COL21A1: variants seen among roughly 807,000 people sequenced by gnomAD.
The protein encoded by COL21A1 is collagen type XXI alpha 1 chain.
A neutral mutation model predicts 137.9 loss-of-function variants in COL21A1; 149 were observed. That is an observed-to-expected ratio of 1.08 (90% CI 0.95 to 1.24). The LOEUF (loss-of-function observed/expected upper bound fraction) is 1.24. COL21A1 is among the 50% of genes most tolerant of loss of function. The probability of loss-of-function intolerance (pLI) is 0.00; values close to 1 mark genes in which losing one functional copy is unlikely to be tolerated. For missense variants in COL21A1, 1,167 were observed against 1,158.4 expected (o/e 1.01, Z -0.11); for synonymous variants, 456 against 391.5 (o/e 1.16, Z -1.95).
At chr6:56,144,127 C>T (rs1008562352) in intron 10 of COL21A1, among the ~76,000 whole-genome samples, 1 of 152,220 alleles carries the variant, frequency 6.6e-6, no homozygotes, top group Admixed American at 6.5e-5. Flanking sequence ...ACTCTCAGCT[C>T]TGTCACTGCT....
intron 1 of COL21A1, among the ~76,000 whole-genome samples, chr6:56,363,046 G>A: frequency 6.6e-6 from 1 of 152,076 alleles, no homozygotes. Flanking sequence ...AACTTCTTTG[G>A]GGCATTCTTC....
intron 1 of COL21A1, among the ~76,000 whole-genome samples, chr6:56,272,000 G>T (rs907794905): frequency 6.6e-6 from 1 of 152,370 alleles, no homozygotes; most frequent in South Asian, 2.1e-4. Flanking sequence ...AGCCCTCAAG[G>T]AGAACCTCTA....
rs1307194026 is a variant in COL21A1 at position 56,057,685 on chromosome 6, T to A, written c.2846A>T (p.Asp949Val). The change falls in exon 30 of 30, where the codon GAT becomes GTT. Residue 949 changes from aspartate (D) to valine (V), a missense_variant. Transcript: ENST00000244728. ...SLCFSVIARRDPFRKGPNY is the reference protein window; with the variant it reads ...SLCFSVIARRVPFRKGPNY Reference sequence around the variant, plus strand: ...ATAGTTTGGTCCTTTTCTGAACGGATCTCTTCTGGCAATTACACTAAAACA... The same window carrying A: ...ATAGTTTGGTCCTTTTCTGAACGGAACTCTTCTGGCAATTACACTAAAACA... 1 of 1,613,244 alleles carries A rather than the reference T, an allele frequency of 6.2e-7. No homozygotes were observed. Among genetic ancestry groups the A allele is most frequent in the Admixed American group, 1.7e-5 (1 of 59,962 alleles).
intron 1 of COL21A1, among the ~76,000 whole-genome samples, chr6:56,342,737 G>T (rs1765499309): frequency 6.6e-6 from 1 of 152,194 alleles, no homozygotes; most frequent in Non-Finnish European, 1.5e-5. Context: ...AAAAGGAAAT[G>T]AAGGCATGGA....
At chr6:56,275,779 AC>A (rs1763631656) in intron 1 of COL21A1, among the ~76,000 whole-genome samples, 1 of 152,234 alleles carries the variant, frequency 6.6e-6, no homozygotes, top group African/African-American at 2.4e-5. Flanking sequence ...TGGTGGGAAT[AC>A]AAATGACTTC....
intron 1 of COL21A1, among the ~76,000 whole-genome samples, chr6:56,324,034 TA>T (rs1764940784): frequency 6.6e-6 from 1 of 152,086 alleles, no homozygotes; most frequent in Non-Finnish European, 1.5e-5. Flanking sequence ...CTTATAAAAA[TA>T]ATGGTTTGTG....
intron 1 of COL21A1, among the ~76,000 whole-genome samples, chr6:56,370,916 A>C (rs879939462): frequency 5.9e-5 from 9 of 152,244 alleles, no homozygotes; most frequent in Non-Finnish European, 1.3e-4. Context: ...GATGAAAATA[A>C]AAGGAAGGAG....
At chr6:56,134,945 A>AT (rs1209234218) in intron 12 of COL21A1, among the ~76,000 whole-genome samples, 3 of 152,132 alleles carry the variant, frequency 2.0e-5, no homozygotes, top group South Asian at 2.1e-4. Flanking sequence ...AGTCTCAGGT[A>AT]TGTCTTTATT....
intron 1 of COL21A1, among the ~76,000 whole-genome samples, chr6:56,314,228 C>G (rs1764678002): frequency 6.6e-6 from 1 of 152,114 alleles, no homozygotes; most frequent in South Asian, 2.1e-4. Flanking sequence ...TGTGATCTGC[C>G]CACCTTGGCC....
chr6:56,179,895 A>C lies in COL21A1; in HGVS notation c.323T>G (p.Leu108Arg). The C allele has an allele frequency of 1.2e-6, 2 of 1,613,930 alleles. No individual in the cohort carries two copies. The highest frequency in any genetic ancestry group is 8.5e-7 in the Non-Finnish European group (1 of 1,179,866). Reference sequence around the variant, plus strand: ...TGTCTTTGTGTTTCCTCCTAAGTAGAGTATGGATTCCACTGCTGCCGTCAA... The same window carrying C: ...TGTCTTTGTGTTTCCTCCTAAGTAGCGTATGGATTCCACTGCTGCCGTCAA... ...EHLTAAVESI[L>R]YLGGNTKTGK... Residue 108 changes from leucine to arginine, a missense_variant, in exon 3 of 30, where the codon CTC becomes CGC. Transcript: ENST00000244728.
chr6:56,099,477 C>G (rs1404611618), intron 17 of COL21A1, among the ~76,000 whole-genome samples: 2 of 151,904 alleles, frequency 1.3e-5, no homozygotes, highest in Admixed American at 1.3e-4. Flanking sequence ...GCCTCGTGAT[C>G]CAGCCGCCTC....
intron 16 of COL21A1, among the ~76,000 whole-genome samples, chr6:56,122,248 G>T (rs1772610766): frequency 6.6e-6 from 1 of 151,828 alleles, no homozygotes. Context: ...GTTGCCAAGG[G>T]TTTAATGTAC....
At chr6:56,369,135 A>G (rs1449706242) in intron 1 of COL21A1, among the ~76,000 whole-genome samples, 1 of 151,992 alleles carries the variant, frequency 6.6e-6, no homozygotes, top group East Asian at 1.9e-4. Context: ...ACTATAGCCA[A>G]AAGACAAAAT....
chr6:56,065,733 G>A (rs144725411), intron 23 of COL21A1, among the ~76,000 whole-genome samples: 1 of 152,016 alleles, frequency 6.6e-6, no homozygotes, highest in East Asian at 1.9e-4. Flanking sequence ...GGGTGGAGTG[G>A]CAAGAGATAA....
At chr6:56,168,874 C>T (rs570020232) in intron 5 of COL21A1, among the ~76,000 whole-genome samples, 4 of 152,042 alleles carry the variant, frequency 2.6e-5, no homozygotes, top group African/African-American at 9.6e-5. Context: ...ATAATAACTA[C>T]CATGTCTACA....
chr6:56,238,270 C>T (rs1002276093), intron 1 of COL21A1, among the ~76,000 whole-genome samples: 86 of 151,950 alleles, frequency 5.7e-4, no homozygotes, highest in Non-Finnish European at 5.3e-4. Context: ...TTTAGGGCTG[C>T]ATCCCTAGCA....
At chr6:56,064,949 G>T (rs943912028) in intron 23 of COL21A1, among the ~76,000 whole-genome samples, 9 of 151,922 alleles carry the variant, frequency 5.9e-5, no homozygotes, top group African/African-American at 2.2e-4. Context: ...AATGTATATG[G>T]ACATTTTATT....
intron 10 of COL21A1, among the ~76,000 whole-genome samples, chr6:56,142,793 C>A (rs774631986): frequency 2.4e-4 from 37 of 152,196 alleles, no homozygotes; most frequent in Non-Finnish European, 4.3e-4. Context: ...TTCTCACATT[C>A]TTTATTCAGA....
intron 17 of COL21A1, among the ~76,000 whole-genome samples, chr6:56,097,119 A>G (rs1456481649): frequency 1.3e-5 from 2 of 152,172 alleles, no homozygotes; most frequent in Non-Finnish European, 2.9e-5. Flanking sequence ...TTAACCTATG[A>G]ATTGCTTTCC....
Sources: allele counts gnomAD v4.1 joint callset (sites outside exome capture counted in the v4.1 genomes callset), GRCh38; gene constraint gnomAD v4.1.1; transcripts MANE v1.5; gene names NCBI Gene and HGNC (gene_info 2026-07-23, HGNC 2026-07-21).